Variants in SPON1 observed in about 807,000 individuals in gnomAD.
The protein encoded by SPON1 is spondin 1.
Under a neutral mutation model 111.7 loss-of-function variants are expected in SPON1, and 52 were observed. The observed-to-expected ratio is 0.47, with a 90% CI of 0.37 to 0.59. The LOEUF is 0.59. Among genes scored for constraint, SPON1 ranks in the 20% least tolerant of loss-of-function variants. The pLI, the probability that SPON1 is intolerant of heterozygous loss-of-function variation, is 0.00. For missense variants in SPON1, 957 were observed against 1,068.5 expected (o/e 0.90, Z 1.46); for synonymous variants, 410 against 395.8 (o/e 1.04, Z -0.43).
intron 5 of SPON1, among the ~76,000 whole-genome samples, chr11:14,106,472 T>C (rs1554924930): frequency 1.3e-5 from 2 of 152,212 alleles, no homozygotes; most frequent in South Asian, 2.1e-4. Context: ...GAATTGTTTA[T>C]GCCAAGAAGG....
intron 6 of SPON1, among the ~76,000 whole-genome samples, chr11:14,175,177 T>C (rs1299170555): frequency 2.0e-5 from 3 of 152,242 alleles, no homozygotes; most frequent in Non-Finnish European, 4.4e-5. Context: ...CTGTACAGCA[T>C]TGAGCAGTTT....
At chr11:14,001,473 A>G (rs1848318513) in intron 2 of SPON1, among the ~76,000 whole-genome samples, 1 of 152,232 alleles carries the variant, frequency 6.6e-6, no homozygotes, top group Non-Finnish European at 1.5e-5. Flanking sequence ...TGATCCGAAG[A>G]AAGAACAATT....
chr11:14,154,897 T>A (rs187577039), intron 6 of SPON1, among the ~76,000 whole-genome samples: 2 of 152,340 alleles, frequency 1.3e-5, no homozygotes, highest in Admixed American at 1.3e-4. Flanking sequence ...ATTTCTAAGA[T>A]AAAATTTCTA....
At chr11:14,208,500 G>A (rs573547821) in intron 6 of SPON1, among the ~76,000 whole-genome samples, 1 of 152,182 alleles carries the variant, frequency 6.6e-6, no homozygotes, top group South Asian at 2.1e-4. Context: ...TTACCCAGAT[G>A]AATCTTTTGA....
chr11:14,193,087 T>C (rs1194109770), intron 6 of SPON1, among the ~76,000 whole-genome samples: 2 of 152,218 alleles, frequency 1.3e-5, no homozygotes, highest in African/African-American at 4.8e-5. Flanking sequence ...AAGTCTCTGA[T>C]GTATTTGCTC....
At chr11:14,203,059 C>A (rs1848480594) in intron 6 of SPON1, among the ~76,000 whole-genome samples, 1 of 152,216 alleles carries the variant, frequency 6.6e-6, no homozygotes, top group Non-Finnish European at 1.5e-5. Flanking sequence ...CTCCTGTCCA[C>A]CCCTGCCAGG....
At chr11:14,072,007 G>A (rs1305549614) in intron 3 of SPON1, among the ~76,000 whole-genome samples, 2 of 152,040 alleles carry the variant, frequency 1.3e-5, no homozygotes, top group Non-Finnish European at 2.9e-5. Flanking sequence ...CCCCATAATC[G>A]AACATTTTAC....
At chr11:13,981,306 T>C (rs189427674) in intron 1 of SPON1, among the ~76,000 whole-genome samples, 61 of 152,252 alleles carry the variant, frequency 4.0e-4, no homozygotes, top group African/African-American at 1.4e-3. Context: ...AGAAGATCCT[T>C]GAGCTAGATT....
At chr11:14,010,863 T>C (rs1848399188) in intron 2 of SPON1, among the ~76,000 whole-genome samples, 1 of 152,270 alleles carries the variant, frequency 6.6e-6, no homozygotes, top group Non-Finnish European at 1.5e-5. Context: ...TATTACTGTC[T>C]TATTTCAGCA....
At chr11:14,175,368 A>T (rs1848163265) in intron 6 of SPON1, among the ~76,000 whole-genome samples, 1 of 152,200 alleles carries the variant, frequency 6.6e-6, no homozygotes, top group South Asian at 2.1e-4. Flanking sequence ...TAAGGACACA[A>T]AACAAGACAG....
intron 6 of SPON1, among the ~76,000 whole-genome samples, chr11:14,226,963 C>T (rs1235466485): frequency 1.3e-5 from 2 of 152,136 alleles, no homozygotes; most frequent in Non-Finnish European, 2.9e-5. Context: ...GTCAAATCTC[C>T]CTGTGCCTCT....
intron 6 of SPON1, among the ~76,000 whole-genome samples, chr11:14,160,559 TTATATATATATTTA>T (rs1564919077): frequency 0.02 from 487 of 24,136 alleles, 53 homozygotes; most frequent in South Asian, 0.081. Context: ...ATATATATAT[TTATATATATATTTA>T]TATATATATT....
intron 6 of SPON1, among the ~76,000 whole-genome samples, chr11:14,185,727 C>T (rs113886086): frequency 1.1e-4 from 17 of 152,388 alleles, no homozygotes; most frequent in African/African-American, 4.1e-4. Flanking sequence ...CTTCTCCAGA[C>T]TCCTTTTGTC....
At chr11:13,979,296 A>G (rs1464060456) in intron 1 of SPON1, among the ~76,000 whole-genome samples, 5 of 152,146 alleles carry the variant, frequency 3.3e-5, no homozygotes, top group African/African-American at 9.7e-5. Flanking sequence ...TTATAGGGAC[A>G]TAAGTTGTAT....
chr11:13,963,159 C>A lies in SPON1; in HGVS notation c.238+17C>A. 4.7e-6 allele frequency: 7 copies of A among 1,482,438 alleles called. No homozygotes were observed. Among genetic ancestry groups the A allele is most frequent in the African/African-American group, 1.4e-5 (1 of 69,400 alleles). 91.8% of individuals were successfully genotyped at this position (1,482,438 alleles called of 1,614,324 possible). A position where few individuals can be genotyped will look rare whatever the true frequency, so the allele number is the denominator to read the frequency against. ...GCTACCGCGGTAAGTGGCCGCCCGG[C>A]GTGGCATTAGGAGAGCGGGACCCGG... On this transcript the variant is annotated intron_variant, in intron 1 of 15. Coordinates refer to ENST00000576479, the MANE Select transcript of SPON1 (RefSeq NM_006108.4).
At chr11:14,237,873 A>T (rs544389898) in intron 6 of SPON1, among the ~76,000 whole-genome samples, 1 of 152,318 alleles carries the variant, frequency 6.6e-6, no homozygotes, top group East Asian at 1.9e-4. Context: ...CAGCAGAAGT[A>T]GGAGGGGTGG....
At chr11:14,231,171 T>A (rs1398957871) in intron 6 of SPON1, among the ~76,000 whole-genome samples, 1 of 151,286 alleles carries the variant, frequency 6.6e-6, no homozygotes, top group African/African-American at 2.4e-5. Flanking sequence ...TCTCACTCTG[T>A]CACCCAGGCT....
chr11:14,137,591 C>G (rs7941383), intron 6 of SPON1, among the ~76,000 whole-genome samples: 1 of 151,888 alleles, frequency 6.6e-6, no homozygotes, highest in South Asian at 2.1e-4. Context: ...CAGAGAATAC[C>G]AGGACTTAAA....
intron 3 of SPON1, among the ~76,000 whole-genome samples, chr11:14,056,544 A>T (rs1848745795): frequency 6.6e-6 from 1 of 152,154 alleles, no homozygotes; most frequent in Non-Finnish European, 1.5e-5. Flanking sequence ...GAAAAATATA[A>T]AACAAAGTGG....
Sources: allele counts gnomAD v4.1 joint callset (sites outside exome capture counted in the v4.1 genomes callset), GRCh38; gene constraint gnomAD v4.1.1; transcripts MANE v1.5; gene names NCBI Gene and HGNC (gene_info 2026-07-23, HGNC 2026-07-21).